DIP2C: variants seen among roughly 807,000 people sequenced by gnomAD.
DIP2C encodes DIP2 acetate--CoA ligase C (putative).
In DIP2C, 33 loss-of-function variants were observed where a neutral mutation model predicts 192.4. The observed-to-expected ratio is 0.17, with a 90% CI of 0.13 to 0.23. The LOEUF is 0.23. Ranked by LOEUF, DIP2C falls within the 10% of genes least tolerant of loss-of-function variation. The probability of loss-of-function intolerance (pLI) is 1.00; values close to 1 mark genes in which losing one functional copy is unlikely to be tolerated. For missense variants in DIP2C, 1,537 were observed against 2,110.1 expected (o/e 0.73, Z 5.32); for synonymous variants, 979 against 864.1 (o/e 1.13, Z -2.33).
intron 1 of DIP2C, among the ~76,000 whole-genome samples, chr10:570,830 G>A (rs142099032): frequency 1.2e-4 from 18 of 152,356 alleles, no homozygotes; most frequent in African/African-American, 4.3e-4. Context: ...TTGAAGAAAC[G>A]CAGAGCATGG....
intron 1 of DIP2C, among the ~76,000 whole-genome samples, chr10:499,498 CT>C (rs1816238848): frequency 6.6e-6 from 1 of 152,208 alleles, no homozygotes; most frequent in Admixed American, 6.5e-5. Flanking sequence ...AAGCAAAGGC[CT>C]ATCTTACATG....
chr10:318,072 G>A (rs12782916), intron 31 of DIP2C, among the ~76,000 whole-genome samples: 30,725 of 152,042 alleles, frequency 0.2, 3,703 homozygotes, highest in African/African-American at 0.33. Context: ...AGCAGCAGCT[G>A]CATCACGGTG....
At chr10:380,703 G>C (rs527516138) in intron 17 of DIP2C, among the ~76,000 whole-genome samples, 21 of 152,312 alleles carry the variant, frequency 1.4e-4, no homozygotes, top group African/African-American at 5.1e-4. Flanking sequence ...TGGACGTGAC[G>C]ACCTTTAAGA....
chr10:630,358 T>C (rs1301852474), intron 1 of DIP2C: 3 of 152,238 alleles, frequency 2.0e-5, no homozygotes, highest in Non-Finnish European at 4.4e-5. Context: ...CAGTTGTAAT[T>C]ATAGCTCTAC....
At chr10:554,834 G>C (rs1848757656) in intron 1 of DIP2C, among the ~76,000 whole-genome samples, 1 of 152,140 alleles carries the variant, frequency 6.6e-6, no homozygotes, top group South Asian at 2.1e-4. Context: ...TGGGCACAGA[G>C]TCACAGCCTG....
At chr10:375,093 G>C (rs1488678231) in intron 17 of DIP2C, among the ~76,000 whole-genome samples, 1 of 152,196 alleles carries the variant, frequency 6.6e-6, no homozygotes, top group African/African-American at 2.4e-5. Context: ...ACGTGCAAAA[G>C]GGAAACAAAA....
At chr10:482,297 C>A (rs937797007) in intron 2 of DIP2C, among the ~76,000 whole-genome samples, 1 of 152,174 alleles carries the variant, frequency 6.6e-6, no homozygotes, top group Non-Finnish European at 1.5e-5. Flanking sequence ...TGCAAGCCTG[C>A]AGGCCAGAGG....
chr10:359,783 G>C (rs557690210), intron 22 of DIP2C, among the ~76,000 whole-genome samples: 1 of 152,284 alleles, frequency 6.6e-6, no homozygotes, highest in South Asian at 2.1e-4. Flanking sequence ...TCTGAATGAA[G>C]CATCTTTAAC....
chr10:440,860 G>C lies in DIP2C; in HGVS notation c.394+11C>G, dbSNP rs371362122. ...CATTCAGGAGGCCGTGTCGGGGAGC[G>C]TGTCCCTTACCTGGAGGGGTGTAGG... On this transcript the variant is annotated intron_variant, in intron 4 of 36. Transcript: ENST00000280886. The C allele has an allele frequency of 1.2e-6, 2 of 1,609,332 alleles. No homozygotes were observed. Among genetic ancestry groups the C allele is most frequent in the East Asian group, 4.5e-5 (2 of 44,834 alleles).
chr10:342,737 C>T (rs1958219129), intron 28 of DIP2C, among the ~76,000 whole-genome samples: 1 of 152,204 alleles, frequency 6.6e-6, no homozygotes, highest in African/African-American at 2.4e-5. Context: ...CCTTCACTAT[C>T]TTCCACCATC....
intron 1 of DIP2C, among the ~76,000 whole-genome samples, chr10:614,775 C>T (rs199686484): frequency 2.6e-5 from 4 of 152,346 alleles, no homozygotes; most frequent in South Asian, 2.1e-4. Context: ...TGCCGGGTAT[C>T]GCGGCTCCAG....
intron 32 of DIP2C, among the ~76,000 whole-genome samples, chr10:294,746 C>T (rs1345093345): frequency 6.6e-6 from 1 of 151,976 alleles, no homozygotes; most frequent in South Asian, 2.1e-4. Flanking sequence ...TTGGGAACTC[C>T]TTCGTTTTTA....
chr10:574,714 C>T (rs1256440369), intron 1 of DIP2C, among the ~76,000 whole-genome samples: 1 of 152,140 alleles, frequency 6.6e-6, no homozygotes, highest in Non-Finnish European at 1.5e-5. Context: ...TTATCCAGGC[C>T]CTCGAAAATC....
chr10:376,709 C>T (rs568263616), intron 17 of DIP2C, among the ~76,000 whole-genome samples: 2 of 152,284 alleles, frequency 1.3e-5, no homozygotes, highest in East Asian at 3.9e-4. Context: ...ATCTCCTCTG[C>T]TTTCTTTCCT....
intron 1 of DIP2C, among the ~76,000 whole-genome samples, chr10:658,564 C>A (rs1390621929): frequency 6.6e-6 from 1 of 152,208 alleles, no homozygotes; most frequent in Non-Finnish European, 1.5e-5. Flanking sequence ...TCCTTTAAGT[C>A]CAGAAAAGCT....
intron 1 of DIP2C, among the ~76,000 whole-genome samples, chr10:553,598 G>A (rs1564843013): frequency 6.6e-6 from 1 of 152,228 alleles, no homozygotes; most frequent in Non-Finnish European, 1.5e-5. Context: ...TTGAGTATGT[G>A]CATTGAATAC....
chr10:553,646 T>C (rs1313328664), intron 1 of DIP2C, among the ~76,000 whole-genome samples: 2 of 152,212 alleles, frequency 1.3e-5, no homozygotes, highest in Non-Finnish European at 2.9e-5. Context: ...TCAAGAAACA[T>C]ACATCATAGA....
At chr10:682,105 G>A (rs866402965) in intron 1 of DIP2C, among the ~76,000 whole-genome samples, 10 of 152,194 alleles carry the variant, frequency 6.6e-5, no homozygotes, top group African/African-American at 2.4e-4. Flanking sequence ...CTGACCATGG[G>A]CTTCAGAGCA....
chr10:338,951 C>T (rs986579476), intron 29 of DIP2C, among the ~76,000 whole-genome samples: 1 of 152,056 alleles, frequency 6.6e-6, no homozygotes, highest in African/African-American at 2.4e-5. Context: ...TCCCACAATG[C>T]ACCCTGCCTG....
Sources: gnomAD v4.1 joint callset for allele counts (sites outside exome capture counted in the v4.1 genomes callset) on GRCh38, gnomAD v4.1.1 for gene constraint, MANE v1.5 for transcripts, NCBI Gene and HGNC (gene_info 2026-07-23, HGNC 2026-07-21) for gene names.